Variants in CFAP99 observed in about 807,000 individuals in gnomAD.
The protein encoded by CFAP99 is cilia and flagella associated protein 99.
In CFAP99, 84 loss-of-function variants were observed where a neutral mutation model predicts 82.7. That is an observed-to-expected ratio of 1.02 (90% CI 0.85 to 1.22). The LOEUF (loss-of-function observed/expected upper bound fraction) is 1.22. CFAP99 is among the 50% of genes most tolerant of loss of function. The pLI is 0.00. For synonymous variants in CFAP99, 456 were observed against 429.5 expected, an observed-to-expected ratio of 1.06 and a Z score of -0.76; for missense variants, 1,059 against 983.5, an observed-to-expected ratio of 1.08 and a Z score of -1.03.
Position 2,448,118 on chromosome 4 carries a change from T to C in CFAP99, c.643-1552T>C, listed in dbSNP as rs1235853887. ...GTGGGTGGATGATCAGATGGATGGA[T>C]GATTAGATGGAGGTGGCTGATGGAT... On this transcript the variant is annotated intron_variant, in intron 6 of 14. Transcript: ENST00000635017. This position sits in a 1 kb window ranked among gnomAD's most constrained non-coding sequence, Gnocchi z 5.2. 6.6e-6 allele frequency among the ~76,000 whole-genome samples: 1 copy of C among 152,122 alleles called. No homozygotes were observed. Among genetic ancestry groups the C allele is most frequent in the South Asian group, 2.1e-4 (1 of 4,824 alleles).
exon 2 of CFAP99, chr4:2,426,586 G>A (rs1217884435): frequency 5.9e-6 from 9 of 1,532,804 alleles, no homozygotes; most frequent in Non-Finnish European, 7.9e-6. Context: ...CCTCCCTGCA[G>A]GTAGGATCTG....
chr4:2,439,172 G>A (rs907353036), intron 4 of CFAP99, among the ~76,000 whole-genome samples: 2 of 152,216 alleles, frequency 1.3e-5, no homozygotes, highest in South Asian at 2.1e-4. Flanking sequence ...TTCTTACAAC[G>A]ACCCAGTGAG....
Position 2,459,232 on chromosome 4 carries a change from A to G in CFAP99, c.1429A>G (p.Lys477Glu), listed in dbSNP as rs1395275765. Residue 477 changes from lysine to glutamate, a missense_variant, in exon 13 of 15, where the codon AAG (lysine) becomes GAG (glutamate). Coordinates refer to ENST00000635017, the Ensembl canonical transcript of CFAP99. The stretch of plus-strand genomic sequence containing the variant: ...CGCACTCGAGACACAGCCCACGCGC[A>G]AGGGCAAGCTCGTGGACCTGACCCA... The G allele has an allele frequency of 1.4e-5, 22 of 1,535,184 alleles. No individual in the cohort carries two copies. In the East Asian group the frequency reaches 4.2e-4, roughly 29 times the overall value.
At chr4:2,445,407 C>T in intron 6 of CFAP99, 99 bp downstream of exon 6, 1 of 1,104,144 alleles carries the variant, frequency 9.1e-7, no homozygotes, top group African/African-American at 1.6e-5. Flanking sequence ...TGGGCTCCCC[C>T]CAGGGCTGAG....
In CFAP99 at chr4:2,462,358, C is replaced by T; in HGVS notation, c.1662-85C>T. The T allele has an allele frequency of 7.7e-7, 1 of 1,300,036 alleles. No homozygotes were observed. Among genetic ancestry groups the T allele is most frequent in the Non-Finnish European group, 9.9e-7 (1 of 1,010,976 alleles). The allele number at this position is 1,300,036 out of a possible 1,614,324, so 80.5% of individuals were successfully genotyped here. ...CTCCGGCTGCGTAGCTCCTTGCCCC[C>T]GCGTCGCTTGGACACGGGTGGCATC... On this transcript the variant is annotated intron_variant, in intron 14 of 14. Coordinates refer to ENST00000635017, the Ensembl canonical transcript of CFAP99. This position sits in a 1 kb window ranked among gnomAD's most constrained non-coding sequence, Gnocchi z 4.1.
At chr4:2,450,216 TC>T in intron 8 of CFAP99, 1 of 586,084 alleles carries the variant, frequency 1.7e-6, no homozygotes, top group Non-Finnish European at 3.1e-6. Context: ...CGCACCCACA[TC>T]CCCCAGGAGG....
At chr4:2,455,178 A>T (rs781734310) in intron 11 of CFAP99, among the ~76,000 whole-genome samples, 1 of 152,264 alleles carries the variant, frequency 6.6e-6, no homozygotes, top group Non-Finnish European at 1.5e-5. Context: ...GGGATTACGG[A>T]AATGCGCCTC....
chr4:2,438,790 A>T (rs1733975415), intron 4 of CFAP99, among the ~76,000 whole-genome samples: 1 of 152,124 alleles, frequency 6.6e-6, no homozygotes, highest in African/African-American at 2.4e-5. Context: ...AGAAACAACA[A>T]CAACAACAAA....
intron 2 of CFAP99, among the ~76,000 whole-genome samples, chr4:2,431,554 A>G (rs12503794): frequency 0.33 from 50,755 of 151,824 alleles, 9,113 homozygotes; most frequent in East Asian, 0.53. Flanking sequence ...AAGAAGACAC[A>G]TGTTCTTGCT....
rs570380615 is a variant in CFAP99 at position 2,446,154 on chromosome 4, A to G, written c.642+846A>G. On this transcript the variant is annotated intron_variant, in intron 6 of 14. Transcript: ENST00000635017. The surrounding 1 kb of genome is among the most constrained non-coding windows in gnomAD (Gnocchi z 5.0). ...CCACCATCCTTCAGGTCTCATTAAA[A>G]TCCCTCTTCCCAGAGAGGCTTTTCA... 6.6e-6 allele frequency among the ~76,000 whole-genome samples: 1 copy of G among 152,192 alleles called. No homozygotes were observed. Among genetic ancestry groups the G allele is most frequent in the East Asian group, 1.9e-4 (1 of 5,168 alleles).
intron 2 of CFAP99, among the ~76,000 whole-genome samples, chr4:2,435,313 A>G (rs1733884459): frequency 6.6e-6 from 1 of 151,648 alleles, no homozygotes; most frequent in Non-Finnish European, 1.5e-5. Context: ...AAAAAAAAAA[A>G]AAGCAACTGA....
In CFAP99 at chr4:2,462,681, G is replaced by A. The variant is rs1457384076; in HGVS notation, c.1900G>A (p.Gly634Arg). The A allele has an allele frequency of 7.9e-7, 1 of 1,261,064 alleles. No homozygotes were observed. The highest frequency in any genetic ancestry group is 2.8e-5 in the South Asian group (1 of 36,308). The allele number at this position is 1,261,064 out of a possible 1,614,324, so 78.1% of individuals were successfully genotyped here. Residue 634 changes from glycine (G) to arginine (R), a missense_variant, in exon 15 of 15, where the codon GGG (glycine) becomes AGG (arginine). By Grantham distance (125) the Gly-to-Arg change is moderately radical. Transcript: ENST00000635017. This position sits in a 1 kb window ranked among gnomAD's most constrained non-coding sequence, Gnocchi z 4.1. ...GTGGGGATGGCGGGCGCGGCGCGCA[G>A]GGACCGGCGTCCCGGGGCGGGGATG...
At chr4:2,425,221 A>C (rs1248344611) in intron 1 of CFAP99, among the ~76,000 whole-genome samples, 2 of 151,896 alleles carry the variant, frequency 1.3e-5, no homozygotes, top group African/African-American at 4.8e-5. Flanking sequence ...TGCCTTGTGC[A>C]TCGTTTTCTC....
intron 2 of CFAP99, among the ~76,000 whole-genome samples, chr4:2,434,217 C>T (rs1007795357): frequency 1.6e-4 from 24 of 152,304 alleles, no homozygotes; most frequent in Admixed American, 1.3e-3. Context: ...GCAGCAGGAT[C>T]GAGGTTTCTG....
At chr4:2,443,203 C>T (rs1464951450) in exon 5 of CFAP99, 1 of 1,535,820 alleles carries the variant, frequency 6.5e-7, no homozygotes, top group South Asian at 1.2e-5. Flanking sequence ...ATCTACGAGC[C>T]AGCCCACGTG....
At chr4:2,458,920 G>A in intron 12 of CFAP99, 56 bp downstream of exon 12, 4 of 1,499,042 alleles carry the variant, frequency 2.7e-6, no homozygotes, top group Non-Finnish European at 3.6e-6. Flanking sequence ...CTCGGGTGCT[G>A]GGCTGCCACC....
At chr4:2,424,557 C>A (rs1426538820) in intron 1 of CFAP99, among the ~76,000 whole-genome samples, 2 of 152,244 alleles carry the variant, frequency 1.3e-5, no homozygotes, top group Non-Finnish European at 2.9e-5. Context: ...TAGCCAGGTC[C>A]AGCGTCACAG....
intron 10 of CFAP99, 110 bp downstream of exon 10, chr4:2,451,462 G>A (rs1470093190): frequency 2.1e-6 from 2 of 967,576 alleles, no homozygotes; most frequent in Non-Finnish European, 3.1e-6. Flanking sequence ...GGACTCGGGG[G>A]TCACAACAGG....
chr4:2,445,073 G>A (rs371696690), intron 5 of CFAP99, 58 bp from the exon 6 acceptor site: 6 of 1,199,054 alleles, frequency 5.0e-6, no homozygotes, highest in Non-Finnish European at 6.3e-6. Context: ...AAAGGCCATC[G>A]CCTTATTGAA....
Sources: allele counts gnomAD v4.1 joint callset (sites outside exome capture counted in the v4.1 genomes callset), GRCh38; gene constraint gnomAD v4.1.1; non-coding constraint Gnocchi (gnomAD v3.1); transcripts MANE v1.5; gene names NCBI Gene and HGNC (gene_info 2026-07-23, HGNC 2026-07-21).